SEMA3E: variants seen among roughly 807,000 people sequenced by gnomAD.
SEMA3E encodes semaphorin-3E.
Under a neutral mutation model 93.6 loss-of-function variants are expected in SEMA3E, and 49 were observed. The observed-to-expected ratio is 0.52, with a 90% confidence interval of 0.42 to 0.66. The LOEUF (loss-of-function observed/expected upper bound fraction) is 0.66. Ranked by LOEUF, SEMA3E falls within the 30% of genes least tolerant of loss-of-function variation. The probability of loss-of-function intolerance (pLI) is 0.00; values close to 1 mark genes in which losing one functional copy is unlikely to be tolerated. For synonymous variants in SEMA3E, 363 were observed against 330.7 expected (o/e 1.10, Z -1.06); for missense variants, 906 against 964.8 (o/e 0.94, Z 0.81).
intron 4 of SEMA3E, among the ~76,000 whole-genome samples, chr7:83,421,667 G>C (rs1444283936): frequency 7.0e-6 from 1 of 142,358 alleles, no homozygotes; most frequent in East Asian, 1.9e-4. Context: ...TCTGAGAGTT[G>C]AGGGCACTTC....
At chr7:83,603,578 A>G (rs1360259567) in intron 1 of SEMA3E, among the ~76,000 whole-genome samples, 1 of 152,178 alleles carries the variant, frequency 6.6e-6, no homozygotes, top group African/African-American at 2.4e-5. Context: ...TTTATTAAGA[A>G]GATGAGAAAG....
rs535252034 is a variant in SEMA3E at position 83,527,086 on chromosome 7, G to C, written c.116-36812C>G. Among the ~76,000 whole-genome samples, 265 of 152,186 alleles carry C rather than the reference G, an allele frequency of 1.7e-3. 1 individual carries two copies. Among genetic ancestry groups the C allele is most frequent in the African/African-American group, 6.0e-3 (248 of 41,528 alleles). ...AGGGGAATTTGGATATAGAGGTGTG[G>C]GGAAGACCATGTGACAGTGGTGGCA... is the stretch of plus-strand genomic sequence containing the variant. On this transcript the variant is annotated intron_variant, in intron 1 of 16. Coordinates refer to ENST00000643230, the MANE Select transcript of SEMA3E (RefSeq NM_012431.3).
intron 4 of SEMA3E, among the ~76,000 whole-genome samples, chr7:83,419,190 C>A (rs1788623429): frequency 6.6e-6 from 1 of 152,112 alleles, no homozygotes; most frequent in South Asian, 2.1e-4. Context: ...AGGATAATGA[C>A]CTCTACCTAC....
intron 1 of SEMA3E, among the ~76,000 whole-genome samples, chr7:83,606,777 T>TAA (rs34026764): frequency 6.5e-4 from 95 of 146,880 alleles, no homozygotes; most frequent in East Asian, 2.2e-3. Flanking sequence ...AAAAAAAAAT[T>TAA]AAAAAAAAAA....
intron 3 of SEMA3E, among the ~76,000 whole-genome samples, chr7:83,468,839 CA>C (rs983007580): frequency 6.6e-6 from 1 of 152,068 alleles, no homozygotes; most frequent in African/African-American, 2.4e-5. Context: ...TTGCCTCTCT[CA>C]AACTTTTTGT....
At chr7:83,398,599 C>G (rs1372441233) in intron 11 of SEMA3E, among the ~76,000 whole-genome samples, 1 of 152,124 alleles carries the variant, frequency 6.6e-6, no homozygotes, top group Non-Finnish European at 1.5e-5. Flanking sequence ...TACCAGAGAT[C>G]AATTTCTAAG....
intron 1 of SEMA3E, among the ~76,000 whole-genome samples, chr7:83,577,191 T>C (rs969492867): frequency 1.3e-5 from 2 of 152,172 alleles, no homozygotes; most frequent in Admixed American, 6.5e-5. Flanking sequence ...ATGATAGATA[T>C]ACCTGTATGA....
chr7:83,570,905 G>A (rs1792273904), intron 1 of SEMA3E, among the ~76,000 whole-genome samples: 1 of 151,092 alleles, frequency 6.6e-6, no homozygotes, highest in Non-Finnish European at 1.5e-5. Context: ...GATCCTCAGA[G>A]ACTATTATAA....
intron 1 of SEMA3E, among the ~76,000 whole-genome samples, chr7:83,511,702 T>A (rs1346290850): frequency 6.6e-6 from 1 of 151,952 alleles, no homozygotes; most frequent in South Asian, 2.1e-4. Flanking sequence ...CTGGCCAACA[T>A]GGTGAAACTC....
intron 4 of SEMA3E, among the ~76,000 whole-genome samples, chr7:83,463,849 C>G (rs1022943349): frequency 3.3e-5 from 5 of 152,298 alleles, no homozygotes; most frequent in African/African-American, 1.2e-4. Flanking sequence ...CCCTACACAT[C>G]AAGCTCGAGG....
At chr7:83,413,024 T>C (rs1057490026) in intron 5 of SEMA3E, among the ~76,000 whole-genome samples, 1 of 152,136 alleles carries the variant, frequency 6.6e-6, no homozygotes, top group Admixed American at 6.6e-5. Flanking sequence ...ATTGCTTATG[T>C]GAAAGAAAAT....
intron 1 of SEMA3E, among the ~76,000 whole-genome samples, chr7:83,565,908 T>C (rs190991976): frequency 6.6e-6 from 1 of 152,212 alleles, no homozygotes; most frequent in East Asian, 1.9e-4. Context: ...TTTAATAGAA[T>C]TGTAAATCTT....
At chr7:83,608,685 T>A (rs527534538) in intron 1 of SEMA3E, among the ~76,000 whole-genome samples, 2 of 152,120 alleles carry the variant, frequency 1.3e-5, no homozygotes, top group Non-Finnish European at 2.9e-5. Context: ...TAATTTGAAT[T>A]CCATAAATAT....
rs761755756 is a variant in SEMA3E at position 83,394,265 on chromosome 7, C to A, written c.1500+32G>T. 17 of 1,469,542 alleles carry A rather than the reference C, an allele frequency of 1.2e-5. No homozygotes were observed. The Admixed American group carries it at 3.8e-4, about 33-fold the overall frequency. The allele number at this position is 1,469,542 out of a possible 1,614,324, so 91.0% of individuals were successfully genotyped here. On this transcript the variant is annotated intron_variant, in intron 13 of 16. Coordinates refer to ENST00000643230, the MANE Select transcript of SEMA3E (RefSeq NM_012431.3). ...TACCTTAGCTCACATATAGAACACA[C>A]ACACCTACACACACACACACACAGA...
At chr7:83,449,874 G>A (rs1789319223) in intron 4 of SEMA3E, among the ~76,000 whole-genome samples, 2 of 152,076 alleles carry the variant, frequency 1.3e-5, no homozygotes, top group African/African-American at 4.8e-5. Context: ...ATCTTTCACT[G>A]ATTATTTTCT....
intron 14 of SEMA3E, among the ~76,000 whole-genome samples, chr7:83,390,988 C>T (rs1164521976): frequency 1.3e-5 from 2 of 152,144 alleles, no homozygotes; most frequent in East Asian, 1.9e-4. Context: ...CATTCATAAG[C>T]ATTTGGTGCA....
chr7:83,405,662 A>G (rs1788315702), intron 8 of SEMA3E, 143 bp from the exon 9 acceptor site: 1 of 783,146 alleles, frequency 1.3e-6, no homozygotes. Flanking sequence ...ACCATGACCA[A>G]GTCATAACAG....
chr7:83,434,924 G>T (rs367947659), intron 4 of SEMA3E, among the ~76,000 whole-genome samples: 1 of 151,200 alleles, frequency 6.6e-6, no homozygotes, highest in Non-Finnish European at 1.5e-5. Context: ...CGTTTTAGCC[G>T]GGATGGTCTC....
At chr7:83,519,154 A>T (rs957229252) in intron 1 of SEMA3E, among the ~76,000 whole-genome samples, 4 of 148,816 alleles carry the variant, frequency 2.7e-5, no homozygotes, top group Non-Finnish European at 6.0e-5. Context: ...CCAGAGTGTG[A>T]TGTTCCCCTT....
Sources: allele counts gnomAD v4.1 joint callset (sites outside exome capture counted in the v4.1 genomes callset), GRCh38; gene constraint gnomAD v4.1.1; transcripts MANE v1.5; gene names NCBI Gene and HGNC (gene_info 2026-07-23, HGNC 2026-07-21).